The following HSPA4 variants were observed in gnomAD, a reference collection of about 807,000 sequenced individuals.
HSPA4 encodes heat shock protein family A (Hsp70) member 4, also known as heat shock 70 kDa protein 4.
HSPA4 carries 25 observed loss-of-function variants against 106.2 expected under a neutral mutation model. The observed-to-expected ratio is 0.24, with a 90% CI of 0.17 to 0.33. The LOEUF (loss-of-function observed/expected upper bound fraction) is 0.33, where lower values mean the gene tolerates loss of function less well. Among genes scored for constraint, HSPA4 ranks in the 10% least tolerant of loss-of-function variants. HSPA4 has a pLI of 1.00. For missense variants in HSPA4, 841 were observed against 996.0 expected, an observed-to-expected ratio of 0.84 and a Z score of 2.10; for synonymous variants, 332 against 333.6, an observed-to-expected ratio of 1.00 and a Z score of 0.05.
intron 1 of HSPA4, among the ~76,000 whole-genome samples, chr5:133,061,103 G>A (rs1019318944): frequency 6.6e-6 from 1 of 151,076 alleles, no homozygotes; most frequent in Non-Finnish European, 1.5e-5. Context: ...TTCACATGCA[G>A]TGCATACATG....
chr5:133,091,169 C>A, intron 11 of HSPA4, 24 bp from the exon 12 acceptor site: 1 of 1,596,092 alleles, frequency 6.3e-7, no homozygotes, highest in Non-Finnish European at 8.6e-7. Context: ...GTTATGTGTT[C>A]TTTTGTCTCT....
intron 7 of HSPA4, among the ~76,000 whole-genome samples, chr5:133,084,365 C>G (rs6872616): frequency 6.6e-6 from 1 of 152,094 alleles, no homozygotes; most frequent in Non-Finnish European, 1.5e-5. Flanking sequence ...AGAAGTAAAA[C>G]ATTTTAAACT....
chr5:133,074,248 C>A, intron 6 of HSPA4, 122 bp downstream of exon 6: 1 of 517,048 alleles, frequency 1.9e-6, no homozygotes, highest in Non-Finnish European at 3.3e-6. Context: ...CAGGGTTATT[C>A]AGAGGATTTT....
intron 2 of HSPA4, 99 bp downstream of exon 2, chr5:133,065,136 C>T (rs1765292214): frequency 1.0e-6 from 1 of 964,758 alleles, no homozygotes; most frequent in African/African-American, 1.6e-5. Context: ...CACTGGTAGG[C>T]CTTGGGAATA....
chr5:133,072,392 GTTTTTTTTTTTTTTT>G (rs748459297), intron 4 of HSPA4, among the ~76,000 whole-genome samples: 1 of 75,726 alleles, frequency 1.3e-5, no homozygotes, highest in African/African-American at 5.3e-5. Context: ...GTCCAGGGTT[GTTTTTTTTTTTTTTT>G]TTTTTTTTGG....
intron 6 of HSPA4, among the ~76,000 whole-genome samples, chr5:133,075,838 GA>G (rs889636503): frequency 2.0e-5 from 3 of 148,200 alleles, no homozygotes; most frequent in Admixed American, 6.7e-5. Flanking sequence ...TCAAAAAAAA[GA>G]AAAAAAAATA....
Position 133,067,507 on chromosome 5 carries a change from A to G in HSPA4, c.256A>G (p.Asn86Asp), listed in dbSNP as rs371155192. 4 of 1,613,934 alleles carry G rather than the reference A, an allele frequency of 2.5e-6. No homozygotes were observed. The highest frequency in any genetic ancestry group is 3.4e-6 in the Non-Finnish European group (4 of 1,179,896). ...TCCATTTGTGGAGGCAGAAAAATCT[A>G]ACCTTGCATATGATATTGTGCAGTT... ...SDPFVEAEKS[N>D]LAYDIVQLPT... Residue 86 changes from asparagine (N) to aspartate (D), a missense_variant, in exon 3 of 19, where the codon AAC becomes GAC. Physicochemically the swap from Asn to Asp is conservative, Grantham distance 23 (BLOSUM62 1). This residue lies in a region of HSPA4 where 347 missense variants were observed against 408.7 expected (regional missense o/e 0.85). Coordinates refer to ENST00000304858, the MANE Select transcript of HSPA4 (RefSeq NM_002154.4).
Position 133,106,101 on chromosome 5 carries a change from AATTTTTTTTTT to A in HSPA4, c.*1666_*1676del, listed in dbSNP as rs1765855003. 28 of 80,244 alleles carry A rather than the reference AATTTTTTTTTT, an allele frequency of 3.5e-4. 1 individual carries two copies. The highest frequency in any genetic ancestry group is 9.2e-4 in the South Asian group (2 of 2,166). The allele number at this position is 80,244 out of a possible 1,614,324, so 5.0% of individuals were successfully genotyped here. On this transcript the variant is annotated 3_prime_UTR_variant, in exon 19 of 19. Coordinates refer to ENST00000304858, the MANE Select transcript of HSPA4 (RefSeq NM_002154.4). ...GGCCATTTCTTCTTAAAAAAAAAAA[AATTTTTTTTTT>A]TTTTTTTTTTTTTTTTTTTTTTTTT... is the stretch of plus-strand genomic sequence containing the variant.
At chr5:133,085,071 T>A (rs2126708694) in intron 7 of HSPA4, among the ~76,000 whole-genome samples, 1 of 152,280 alleles carries the variant, frequency 6.6e-6, no homozygotes, top group Admixed American at 6.5e-5. Context: ...GTGTTGGGAC[T>A]ACAGGCGTGA....
chr5:133,055,805 C>T (rs1423629794), intron 1 of HSPA4, among the ~76,000 whole-genome samples: 2 of 152,106 alleles, frequency 1.3e-5, no homozygotes, highest in African/African-American at 2.4e-5. Flanking sequence ...GGACCTGGCA[C>T]GATAGCTCAT....
At chr5:133,076,132 G>C (rs779509133) in intron 6 of HSPA4, 1 of 153,478 alleles carries the variant, frequency 6.5e-6, no homozygotes, top group Non-Finnish European at 1.5e-5. Context: ...ATTTGAAAAC[G>C]GGTAACCCAG....
intron 4 of HSPA4, among the ~76,000 whole-genome samples, 179 bp downstream of exon 4, chr5:133,070,675 G>T (rs1042712586): frequency 2.0e-5 from 3 of 152,212 alleles, no homozygotes; most frequent in African/African-American, 7.2e-5. Flanking sequence ...GCCAAGGTGG[G>T]TGGATCACCT....
chr5:133,102,367 G>A (rs1375105701), intron 17 of HSPA4, among the ~76,000 whole-genome samples: 1 of 152,154 alleles, frequency 6.6e-6, no homozygotes, highest in Non-Finnish European at 1.5e-5. Flanking sequence ...CATAGGATTT[G>A]CTGTATCTCT....
intron 11 of HSPA4, among the ~76,000 whole-genome samples, chr5:133,090,659 A>G (rs1765636238): frequency 6.6e-6 from 1 of 152,182 alleles, no homozygotes; most frequent in African/African-American, 2.4e-5. Context: ...AATGGCATTT[A>G]GAAGCTGTGG....
rs545611711 is a variant in HSPA4, at chr5:133,075,769, A to G, written c.664-885A>G. Among the ~76,000 whole-genome samples the G allele has an allele frequency of 1.8e-4, 27 of 152,186 alleles. 1 individual carries two copies. The South Asian group carries it at 3.7e-3, about 21-fold the overall frequency. On this transcript the variant is annotated intron_variant, in intron 6 of 18. Transcript: ENST00000304858. ...TGCTTGAGCCTGGATGGTCGAGGCT[A>G]CAGTGAGCTGAGATTGTGCCACTGC... is the stretch of plus-strand genomic sequence containing the variant.
chr5:133,095,735 A>T (rs942588507), intron 13 of HSPA4, among the ~76,000 whole-genome samples: 7 of 152,174 alleles, frequency 4.6e-5, no homozygotes, highest in Admixed American at 3.9e-4. Context: ...TACCATCTTA[A>T]CTGCTTTTAA....
At chr5:133,077,046 G>A in intron 7 of HSPA4, 148 bp downstream of exon 7, 1 of 656,244 alleles carries the variant, frequency 1.5e-6, no homozygotes, top group Non-Finnish European at 2.5e-6. Flanking sequence ...TCAGGACCCT[G>A]CTTTTTATGT....
At chr5:133,088,875 G>C (rs1174250832) in intron 9 of HSPA4, among the ~76,000 whole-genome samples, 180 bp from the exon 10 acceptor site, 1 of 152,130 alleles carries the variant, frequency 6.6e-6, no homozygotes, top group Non-Finnish European at 1.5e-5. Flanking sequence ...GGAATAGCTA[G>C]ATTATATAGG....
chr5:133,097,298 A>G lies in HSPA4; in HGVS notation c.1929+12A>G. On this transcript the variant is annotated intron_variant, in intron 15 of 18. Transcript: ENST00000304858. Reference sequence around the variant, plus strand: ...TTGTGAGTGAAGATGTAAGTCTGCCACAATATGCCTAACTACTGTGTGTCT... The same window carrying G: ...TTGTGAGTGAAGATGTAAGTCTGCCGCAATATGCCTAACTACTGTGTGTCT... The G allele has an allele frequency of 6.2e-7, 1 of 1,610,542 alleles. No homozygotes were observed. The highest frequency in any genetic ancestry group is 8.5e-7 in the Non-Finnish European group (1 of 1,177,314).
Sources: allele counts gnomAD v4.1 joint callset (sites outside exome capture counted in the v4.1 genomes callset), GRCh38; gene constraint gnomAD v4.1.1; regional missense constraint gnomAD v4.1.1; transcripts MANE v1.5; gene names NCBI Gene and HGNC (gene_info 2026-07-23, HGNC 2026-07-21).